Variants in VPS53 observed in about 807,000 individuals in gnomAD.
VPS53 encodes VPS53 subunit of GARP complex, also known as vacuolar protein sorting-associated protein 53 homolog.
A neutral mutation model predicts 107.0 loss-of-function variants in VPS53; 70 were observed. The ratio of observed to expected loss-of-function variants is 0.65; its 90% confidence interval spans 0.54 to 0.80. The LOEUF is 0.80. VPS53 is among the 30% of genes least tolerant of loss of function. The pLI is 0.00. For synonymous variants in VPS53, 409 were observed against 393.3 expected, an observed-to-expected ratio of 1.04 and a Z score of -0.47; for missense variants, 917 against 1,049.4, an observed-to-expected ratio of 0.87 and a Z score of 1.74.
At chr17:629,913 G>A (rs1035600763) in intron 8 of VPS53, among the ~76,000 whole-genome samples, 2 of 151,386 alleles carry the variant, frequency 1.3e-5, no homozygotes, top group Non-Finnish European at 1.5e-5. Flanking sequence ...TCATCTGCCC[G>A]GTGGAATCTG....
At chr17:546,926 G>A (rs940775377) in intron 17 of VPS53, among the ~76,000 whole-genome samples, 1 of 140,184 alleles carries the variant, frequency 7.1e-6, no homozygotes, top group Non-Finnish European at 1.5e-5. Flanking sequence ...CCAGGCTGGA[G>A]TGCAGTGGTG....
intron 4 of VPS53, among the ~76,000 whole-genome samples, chr17:687,515 G>T (rs1244346374): frequency 6.6e-6 from 1 of 151,518 alleles, no homozygotes; most frequent in African/African-American, 2.4e-5. Flanking sequence ...GGCAGAAGCT[G>T]CAGTGAGCCA....
At chr17:622,120 G>A (rs769517903) in intron 11 of VPS53, among the ~76,000 whole-genome samples, 18 of 152,062 alleles carry the variant, frequency 1.2e-4, no homozygotes, top group Non-Finnish European at 2.9e-5. Context: ...GCTGAGGCAG[G>A]AGAATTGCTT....
intron 19 of VPS53, among the ~76,000 whole-genome samples, chr17:528,124 T>G (rs4968120): frequency 0.41 from 62,856 of 152,006 alleles, 13,200 homozygotes; most frequent in South Asian, 0.54. Flanking sequence ...CCATAAAATT[T>G]ACCTTTTGGA....
At chr17:642,758 C>A (rs1231043075) in intron 7 of VPS53, among the ~76,000 whole-genome samples, 1 of 151,438 alleles carries the variant, frequency 6.6e-6, no homozygotes, top group African/African-American at 2.4e-5. Context: ...AACACTCATA[C>A]TTGGAAAGCG....
intron 11 of VPS53, 45 bp downstream of exon 11, chr17:623,488 C>T (rs1169642942): frequency 5.1e-6 from 8 of 1,582,612 alleles, no homozygotes; most frequent in Non-Finnish European, 6.0e-6. Context: ...TCCCAACCAC[C>T]CAACCCACTG....
intron 13 of VPS53, among the ~76,000 whole-genome samples, chr17:573,933 G>A (rs1914394826): frequency 6.6e-6 from 1 of 152,334 alleles, no homozygotes; most frequent in African/African-American, 2.4e-5. Flanking sequence ...TTCTTTGAAG[G>A]GAAGAAGCAG....
intron 13 of VPS53, among the ~76,000 whole-genome samples, chr17:565,351 C>T (rs1038170497): frequency 2.5e-4 from 35 of 142,322 alleles, no homozygotes; most frequent in African/African-American, 4.4e-4. Flanking sequence ...TGCAGTGAGC[C>T]GAGATCGTAC....
chr17:519,153 T>C lies in VPS53; in HGVS notation c.2474A>G (p.Glu825Gly). ...CTACAGTCTCTTTTTAATGAGTTTC[T>C]CGAGCTTGCGGATGCGTGACGACTC... is the stretch of plus-strand genomic sequence containing the variant. ...EQESSRIRKLEKLIKKRL is the reference protein window; with the variant it reads ...EQESSRIRKLGKLIKKRL The change falls in exon 22 of 22, where the codon GAG becomes GGG. Residue 825 changes from glutamate (E) to glycine (G), a missense_variant. Glu to Gly is a moderately conservative substitution (Grantham distance 98). Coordinates refer to ENST00000437048, the MANE Select transcript of VPS53 (RefSeq NM_001128159.3). This position sits in a 1 kb window ranked among gnomAD's most constrained non-coding sequence, Gnocchi z 5.0. The C allele has an allele frequency of 6.5e-7, 1 of 1,538,394 alleles. No individual in the cohort carries two copies. The highest frequency in any genetic ancestry group is 8.8e-7 in the Non-Finnish European group (1 of 1,141,590).
rs143926271 is a variant in VPS53, at chr17:703,575, C to G, written c.169-4195G>C. On this transcript the variant is annotated intron_variant, in intron 2 of 21. Coordinates refer to ENST00000437048, the MANE Select transcript of VPS53 (RefSeq NM_001128159.3). The stretch of plus-strand genomic sequence containing the variant: ...TTATCCTGCTTTGAGAATCACTCAT[C>G]TCGTTTAGTTATAATGTGGTTGTAC... 1.9e-4 allele frequency among the ~76,000 whole-genome samples: 29 copies of G among 152,268 alleles called. 1 individual carries two copies. The East Asian group carries it at 5.2e-3, about 27-fold the overall frequency.
At chr17:670,462 T>C (rs1353073109) in intron 4 of VPS53, among the ~76,000 whole-genome samples, 2 of 152,226 alleles carry the variant, frequency 1.3e-5, no homozygotes, top group African/African-American at 4.8e-5. Flanking sequence ...GAGCAGGCTC[T>C]CAAAGCCACA....
At chr17:610,897 C>T (rs112121015) in intron 11 of VPS53, among the ~76,000 whole-genome samples, 1,659 of 150,580 alleles carry the variant, frequency 0.011, 27 homozygotes, top group African/African-American at 0.034. Flanking sequence ...GAGATCTCAC[C>T]ACTGAACTCC....
intron 7 of VPS53, among the ~76,000 whole-genome samples, chr17:633,065 G>A (rs1177478784): frequency 1.3e-5 from 2 of 152,192 alleles, no homozygotes; most frequent in Admixed American, 6.5e-5. Flanking sequence ...AACAGTGGCC[G>A]TGAGTGTACT....
At chr17:685,916 G>A (rs1972568732) in intron 4 of VPS53, among the ~76,000 whole-genome samples, 1 of 152,116 alleles carries the variant, frequency 6.6e-6, no homozygotes. Flanking sequence ...GAAGTCTGAG[G>A]TGGGAGGATC....
Position 516,704 on chromosome 17 carries a change from A to AC in VPS53, c.*2423dup, listed in dbSNP as rs1346862891. On this transcript the variant is annotated 3_prime_UTR_variant, in exon 22 of 22. Transcript: ENST00000437048. ...AAAGGCCCCAGTGGTTCTGATGCAC[A>AC]CCCCCAGAAGAGAAACACAGCGTCT... 2.0e-5 allele frequency: 3 copies of AC among 151,948 alleles called. No homozygotes were observed. Among genetic ancestry groups the AC allele is most frequent in the Admixed American group, 2.0e-4 (3 of 15,258 alleles). 9.4% of individuals were successfully genotyped at this position (151,948 alleles called of 1,614,324 possible).
chr17:656,038 A>G, intron 5 of VPS53, 85 bp from the exon 6 acceptor site: 1 of 1,002,658 alleles, frequency 1.0e-6, no homozygotes, highest in East Asian at 2.6e-5. Flanking sequence ...GTAAGAAACG[A>G]ATGCAGATGA....
intron 4 of VPS53, among the ~76,000 whole-genome samples, chr17:696,089 A>G (rs1972950050): frequency 6.6e-6 from 1 of 152,258 alleles, no homozygotes; most frequent in African/African-American, 2.4e-5. Flanking sequence ...AAAAAAATAC[A>G]GGAGTCCAGA....
chr17:570,538 G>GT lies in VPS53; in HGVS notation c.1314-7794dup, dbSNP rs567229538. ...CCCAAACTGAGGGAAATTCCAGAAAGTAATTGGCCAATCCTCTTCAAAAAT... is the reference window on the plus strand; with the variant it reads ...CCCAAACTGAGGGAAATTCCAGAAAGTTAATTGGCCAATCCTCTTCAAAAAT... On this transcript the variant is annotated intron_variant, in intron 13 of 21. Transcript: ENST00000437048. Among the ~76,000 whole-genome samples the GT allele has an allele frequency of 5.3e-5, 8 of 152,186 alleles. No homozygotes were observed. In the East Asian group the frequency reaches 1.5e-3, roughly 29 times the overall value.
intron 4 of VPS53, among the ~76,000 whole-genome samples, chr17:694,999 C>T (rs549551618): frequency 2.6e-5 from 4 of 152,190 alleles, no homozygotes; most frequent in African/African-American, 4.8e-5. Context: ...GCCATTGTGC[C>T]TGGCTCAGTT....
Sources: gnomAD v4.1 joint callset for allele counts (sites outside exome capture counted in the v4.1 genomes callset) on GRCh38, gnomAD v4.1.1 for gene constraint, Gnocchi (gnomAD v3.1) non-coding constraint, MANE v1.5 for transcripts, NCBI Gene and HGNC (gene_info 2026-07-23, HGNC 2026-07-21) for gene names.